The following USP40 variants were observed in gnomAD, a reference collection of about 807,000 sequenced individuals.
USP40 encodes ubiquitin carboxyl-terminal hydrolase 40.
USP40 carries 143 observed loss-of-function variants against 166.2 expected under a neutral mutation model. The observed-to-expected ratio is 0.86, with a 90% CI of 0.75 to 0.99. The LOEUF (loss-of-function observed/expected upper bound fraction) is 0.99, where lower values mean the gene tolerates loss of function less well. Ranked by LOEUF, USP40 falls within the 50% of genes least tolerant of loss-of-function variation. The pLI, the probability that USP40 is intolerant of heterozygous loss-of-function variation, is 0.00. For missense variants in USP40, 1,444 were observed against 1,479.7 expected, an observed-to-expected ratio of 0.98 and a Z score of 0.40; for synonymous variants, 498 against 524.0, an observed-to-expected ratio of 0.95 and a Z score of 0.68.
intron 23 of USP40, among the ~76,000 whole-genome samples, chr2:233,497,228 A>G (rs2065801592): frequency 6.6e-6 from 1 of 152,344 alleles, no homozygotes; most frequent in South Asian, 2.1e-4. Context: ...TGTTTTGGTA[A>G]AGCGCTAAAG....
At chr2:233,496,550 T>C (rs1394644918) in intron 24 of USP40, among the ~76,000 whole-genome samples, 1 of 152,196 alleles carries the variant, frequency 6.6e-6, no homozygotes, top group African/African-American at 2.4e-5. Flanking sequence ...AAGTAGGAAA[T>C]AAAAATGTTA....
rs749077467 is a variant in USP40, at chr2:233,499,888, C to A, written c.2641G>T (p.Gly881Cys). Residue 881 changes from glycine to cysteine, a missense_variant, in exon 22 of 32, where the codon GGC becomes TGC. Coordinates refer to ENST00000678225, the MANE Select transcript of USP40 (RefSeq NM_001365479.2). ...DCLKLMLKKS[G>C]LQGDAWHLRK... The stretch of plus-strand genomic sequence containing the variant: ...ATGGTAAGTAACTTACCTTGTAGGC[C>A]AGATTTCTTCAGCATTAACTTTAAA... 1 of 1,611,608 alleles carries A rather than the reference C, an allele frequency of 6.2e-7. No homozygotes were observed. Among genetic ancestry groups the A allele is most frequent in the Admixed American group, 1.7e-5 (1 of 59,752 alleles).
intron 18 of USP40, among the ~76,000 whole-genome samples, chr2:233,515,811 G>A (rs1157651996): frequency 6.6e-6 from 1 of 152,120 alleles, no homozygotes; most frequent in Non-Finnish European, 1.5e-5. Context: ...CAGAAATTTT[G>A]TAGTTTTAGG....
intron 10 of USP40, among the ~76,000 whole-genome samples, chr2:233,538,490 G>A (rs1309453508): frequency 6.6e-6 from 1 of 152,084 alleles, no homozygotes; most frequent in Non-Finnish European, 1.5e-5. Flanking sequence ...AATGAAAAAG[G>A]AATCATAAGT....
intron 15 of USP40, 87 bp from the exon 16 acceptor site, chr2:233,523,576 C>T: frequency 8.0e-7 from 1 of 1,243,048 alleles, no homozygotes; most frequent in Non-Finnish European, 1.1e-6. Context: ...TCTTAGAGAA[C>T]AACCCTCATT....
intron 8 of USP40, among the ~76,000 whole-genome samples, chr2:233,544,249 T>C (rs866654952): frequency 2.6e-5 from 4 of 152,068 alleles, no homozygotes; most frequent in Non-Finnish European, 4.4e-5. Context: ...GAGACAGACA[T>C]AGGGCAAGGT....
rs2065457246 is a variant in USP40 at position 233,493,167 on chromosome 2, G to A, written c.2917+258C>T. On this transcript the variant is annotated intron_variant, in intron 25 of 31. Coordinates refer to ENST00000678225, the MANE Select transcript of USP40 (RefSeq NM_001365479.2). The surrounding 1 kb of genome is among the most constrained non-coding windows in gnomAD (Gnocchi z 4.7). ...GGATCTTGAGAGATGATACATAAAA[G>A]TCTTTGGAAAGTGTAATATATTGAT... 1 of 521,976 alleles carries A rather than the reference G, an allele frequency of 1.9e-6. No homozygotes were observed. Among genetic ancestry groups the A allele is most frequent in the South Asian group, 3.7e-5 (1 of 27,264 alleles). 32.3% of individuals were successfully genotyped at this position (521,976 alleles called of 1,614,324 possible).
rs2066868178 is a variant in USP40, at chr2:233,511,912, TGAGTTG to T, written c.2438-121_2438-116del. 1.6e-5 allele frequency: 13 copies of T among 806,458 alleles called. No homozygotes were observed. In the African/African-American group the frequency reaches 2.3e-4, roughly 14 times the overall value. The allele number at this position is 806,458 out of a possible 1,614,324, so 50.0% of individuals were successfully genotyped here. ...CAAGAATATCAAGAAAGAAGAAAAA[TGAGTTG>T]CACTTCAGACAAAAGGATTACATGC... On this transcript the variant is annotated intron_variant, in intron 19 of 31. Coordinates refer to ENST00000678225, the MANE Select transcript of USP40 (RefSeq NM_001365479.2).
At chr2:233,544,425 G>A (rs764272023) in intron 8 of USP40, among the ~76,000 whole-genome samples, 8 of 152,184 alleles carry the variant, frequency 5.3e-5, no homozygotes, top group South Asian at 4.2e-4. Context: ...TAAATCACTC[G>A]TCACTGGTGA....
intron 22 of USP40, among the ~76,000 whole-genome samples, chr2:233,499,153 A>ACCCC (rs2065912420): frequency 1.6e-5 from 1 of 62,374 alleles, no homozygotes; most frequent in Admixed American, 1.7e-4. Context: ...TCCCTCCCCC[A>ACCCC]CTCCCACCCC....
chr2:233,531,226 C>T (rs2068499285), intron 11 of USP40, among the ~76,000 whole-genome samples: 1 of 152,186 alleles, frequency 6.6e-6, no homozygotes, highest in Non-Finnish European at 1.5e-5. Context: ...AATGATCTGT[C>T]TACCTTTTTG....
At chr2:233,550,294 G>C (rs941916950) in intron 7 of USP40, among the ~76,000 whole-genome samples, 2 of 152,046 alleles carry the variant, frequency 1.3e-5, no homozygotes, top group Non-Finnish European at 2.9e-5. Context: ...AATGAATGTG[G>C]ACTTCCTATA....
At chr2:233,510,008 AACAC>A in intron 21 of USP40, 37 bp downstream of exon 21, 1 of 1,479,090 alleles carries the variant, frequency 6.8e-7, no homozygotes, top group South Asian at 1.2e-5. Flanking sequence ...CAAACATACA[AACAC>A]ACACAGCCTC....
intron 31 of USP40, among the ~76,000 whole-genome samples, chr2:233,479,068 A>C (rs562275563): frequency 6.6e-6 from 1 of 152,354 alleles, no homozygotes; most frequent in African/African-American, 2.4e-5. Context: ...TGCAAACAGC[A>C]CGTGTGAGGC....
intron 6 of USP40, among the ~76,000 whole-genome samples, chr2:233,552,099 T>C (rs2070621094): frequency 6.6e-6 from 1 of 151,954 alleles, no homozygotes; most frequent in South Asian, 2.1e-4. Context: ...ATTATTGGTC[T>C]GTGAGGAGAA....
intron 23 of USP40, among the ~76,000 whole-genome samples, chr2:233,497,225 GTAAAGCGC>G (rs1309741222): frequency 6.6e-6 from 1 of 152,190 alleles, no homozygotes; most frequent in African/African-American, 2.4e-5. Flanking sequence ...GCTTGTTTTG[GTAAAGCGC>G]TAAAGCCACA....
At chr2:233,489,519 A>T in intron 26 of USP40, 36 bp from the exon 27 acceptor site, 1 of 1,520,678 alleles carries the variant, frequency 6.6e-7, no homozygotes, top group Middle Eastern at 1.7e-4. Context: ...CAACGGTTTT[A>T]AAAAGCACTC....
intron 11 of USP40, among the ~76,000 whole-genome samples, 168 bp from the exon 12 acceptor site, chr2:233,529,680 G>C (rs1380400624): frequency 6.6e-6 from 1 of 151,908 alleles, no homozygotes; most frequent in African/African-American, 2.4e-5. Flanking sequence ...TCTGAAAAAT[G>C]AAAAAGTTAG....
intron 24 of USP40, among the ~76,000 whole-genome samples, chr2:233,496,162 T>C (rs1265536079): frequency 6.6e-6 from 1 of 152,242 alleles, no homozygotes; most frequent in Non-Finnish European, 1.5e-5. Context: ...CAAACAGTTA[T>C]CTGAGTCTTG....
Sources: allele counts gnomAD v4.1 joint callset (sites outside exome capture counted in the v4.1 genomes callset), GRCh38; gene constraint gnomAD v4.1.1; non-coding constraint Gnocchi (gnomAD v3.1); transcripts MANE v1.5; gene names NCBI Gene and HGNC (gene_info 2026-07-23, HGNC 2026-07-21).